The following GATAD1 variants were observed in gnomAD, a reference collection of about 807,000 sequenced individuals.
The protein encoded by GATAD1 is GATA zinc finger domain containing 1, also known as GATA zinc finger domain-containing protein 1.
A neutral mutation model predicts 26.5 loss-of-function variants in GATAD1; 12 were observed. The observed-to-expected ratio is 0.45, with a 90% CI of 0.29 to 0.73. The LOEUF (loss-of-function observed/expected upper bound fraction) is 0.73, where lower values mean the gene tolerates loss of function less well. GATAD1 is among the 30% of genes least tolerant of loss of function. GATAD1 has a pLI of 0.10. For missense variants in GATAD1, 266 were observed against 342.1 expected (o/e 0.78, Z 1.75); for synonymous variants, 129 against 133.1 (o/e 0.97, Z 0.21).
chr7:92,463,218 G>T (rs1240891318), downstream of GATAD1, among the ~76,000 whole-genome samples: 1 of 152,150 alleles, frequency 6.6e-6, no homozygotes, highest in Non-Finnish European at 1.5e-5. Context: ...AACATTAGAG[G>T]TTACCAGGGT....
chr7:92,450,043 A>G (rs1235820888), intron 2 of GATAD1: 1 of 152,192 alleles, frequency 6.6e-6, no homozygotes, highest in Non-Finnish European at 1.5e-5. Context: ...CCTTTTAAGT[A>G]TGGTATACCG....
At chr7:92,489,511 T>C in the GATAD1 span, 3 of 1,241,336 alleles carry the variant, frequency 2.4e-6, no homozygotes, top group Non-Finnish European at 3.5e-6. Flanking sequence ...TATTGTCAGT[T>C]TTTTCAAGAG....
chr7:92,482,583 C>T, the GATAD1 span, among the ~76,000 whole-genome samples: 33 of 151,100 alleles, frequency 2.2e-4, no homozygotes, highest in Non-Finnish European at 3.5e-4. Context: ...TAGTAATGGG[C>T]GTGTGATCGG....
chr7:92,469,048 A>G, the GATAD1 span: 2 of 709,330 alleles, frequency 2.8e-6, no homozygotes, highest in Non-Finnish European at 5.1e-6. Context: ...AATCCAGGGC[A>G]TCCATTGGCT....
chr7:92,493,881 A>G, the GATAD1 span: 1 of 210,846 alleles, frequency 4.7e-6, no homozygotes, highest in South Asian at 7.8e-5. Flanking sequence ...TAAGAGTTGG[A>G]ACAACACAGG....
chr7:92,491,659 G>T, the GATAD1 span: 2 of 597,844 alleles, frequency 3.3e-6, no homozygotes, highest in Non-Finnish European at 5.8e-6. Context: ...GAGGCACATG[G>T]TAAAAATTTA....
the GATAD1 span, among the ~76,000 whole-genome samples, chr7:92,467,580 C>T: frequency 2.6e-5 from 4 of 152,238 alleles, no homozygotes; most frequent in East Asian, 3.9e-4. Context: ...GATTTTCAAA[C>T]TGGCAGCCAC....
the GATAD1 span, chr7:92,472,654 T>G: frequency 6.6e-6 from 1 of 152,246 alleles, no homozygotes; most frequent in African/African-American, 2.4e-5. Context: ...TTTAATGACC[T>G]GGCTATTTCG....
chr7:92,459,242 ATTTTGG>A lies in GATAD1; in HGVS notation c.*2681_*2686del, dbSNP rs1295754502. ...CCATCTCCAAAAAAAAAAAAAAAAG[ATTTTGG>A]AGTAGATTCATCATTAATAAGTAAC... On this transcript the variant is annotated 3_prime_UTR_variant, in exon 5 of 5. Coordinates refer to ENST00000287957, the MANE Select transcript of GATAD1 (RefSeq NM_021167.5). 1 of 151,286 alleles carries A rather than the reference ATTTTGG, an allele frequency of 6.6e-6. No homozygotes were observed. The highest frequency in any genetic ancestry group is 2.4e-5 in the African/African-American group (1 of 41,160). 9.4% of individuals were successfully genotyped at this position (151,286 alleles called of 1,614,324 possible).
intron 2 of GATAD1, chr7:92,449,664 G>T: frequency 3.2e-6 from 3 of 924,368 alleles, no homozygotes; most frequent in Non-Finnish European, 3.9e-6. Flanking sequence ...GCAGATGGCA[G>T]ACTATTTTCT....
At chr7:92,492,982 G>A in the GATAD1 span, 2 of 1,613,772 alleles carry the variant, frequency 1.2e-6, no homozygotes, top group Admixed American at 1.7e-5. Flanking sequence ...AGCATTCCAT[G>A]TAAGGCCTCC....
At chr7:92,491,436 C>G in the GATAD1 span, 4 of 1,613,818 alleles carry the variant, frequency 2.5e-6, no homozygotes, top group Non-Finnish European at 3.4e-6. Context: ...TCGTCAGAGC[C>G]ACTGCTATGG....
chr7:92,484,263 GAGA>G, the GATAD1 span, among the ~76,000 whole-genome samples: 1 of 152,162 alleles, frequency 6.6e-6, no homozygotes, highest in Admixed American at 6.5e-5. Flanking sequence ...CAGGCTAAGG[GAGA>G]AGAAGGGGGA....
intron 4 of GATAD1, among the ~76,000 whole-genome samples, chr7:92,455,778 A>G (rs1264054434): frequency 1.3e-5 from 2 of 152,250 alleles, no homozygotes; most frequent in Admixed American, 6.5e-5. Flanking sequence ...CCTTCTGCTT[A>G]TAAGTATATA....
intron 2 of GATAD1, chr7:92,449,228 CTTTT>C (rs902031792): frequency 1.2e-6 from 1 of 836,530 alleles, no homozygotes; most frequent in Admixed American, 5.7e-5. Flanking sequence ...ACTAAGAAAA[CTTTT>C]TTTTTTCATT....
In GATAD1 at chr7:92,448,158, T is replaced by C. The variant is rs572267258; in HGVS notation, c.249+180T>C. 2.6e-5 allele frequency among the ~76,000 whole-genome samples: 4 copies of C among 152,326 alleles called. No individual in the cohort carries two copies. The Middle Eastern group carries it at 0.01, about 389-fold the overall frequency. On this transcript the variant is annotated intron_variant, in intron 1 of 4. Transcript: ENST00000287957. ...TTGGCCCATTCCGAAGCACCTGTTA[T>C]TGTAAGAAATTCAAAGCAATAAGAA...
rs7784226 is a variant in GATAD1, at chr7:92,458,149, A to G, written c.*1587A>G. ...AAGACTGTCTCAAAAAAGAAAAAAA[A>G]GAAAAAATTTTAATTTAATCCTTCT... is the stretch of plus-strand genomic sequence containing the variant. On this transcript the variant is annotated 3_prime_UTR_variant, in exon 5 of 5. Transcript: ENST00000287957. 1 of 150,294 alleles carries G rather than the reference A, an allele frequency of 6.7e-6. No homozygotes were observed. The highest frequency in any genetic ancestry group is 1.5e-5 in the Non-Finnish European group (1 of 67,840). 9.3% of individuals were successfully genotyped at this position (150,294 alleles called of 1,614,324 possible).
At chr7:92,466,271 A>T in the GATAD1 span, among the ~76,000 whole-genome samples, 5 of 151,942 alleles carry the variant, frequency 3.3e-5, no homozygotes, top group Admixed American at 2.0e-4. Flanking sequence ...GGCTCAAGTG[A>T]TCCTCCTACC....
At chr7:92,455,746 A>G (rs1789643639) in intron 4 of GATAD1, among the ~76,000 whole-genome samples, 2 of 152,204 alleles carry the variant, frequency 1.3e-5, no homozygotes, top group Non-Finnish European at 2.9e-5. Flanking sequence ...GTCAAGTTTG[A>G]TACATTACCA....
Sources: gnomAD v4.1 joint callset for allele counts (sites outside exome capture counted in the v4.1 genomes callset) on GRCh38, gnomAD v4.1.1 for gene constraint, MANE v1.5 for transcripts, NCBI Gene and HGNC (gene_info 2026-07-23, HGNC 2026-07-21) for gene names.